The following TENM1 variants were observed in gnomAD, a reference collection of about 807,000 sequenced individuals.
The protein encoded by TENM1 is teneurin transmembrane protein 1, also known as teneurin-1.
A neutral mutation model predicts 174.8 loss-of-function variants in TENM1; 35 were observed. That is an observed-to-expected ratio of 0.20 (90% confidence interval 0.15 to 0.27). The LOEUF (loss-of-function observed/expected upper bound fraction) is 0.27. TENM1 is among the 10% of genes least tolerant of loss of function. The probability of loss-of-function intolerance (pLI) is 1.00; values close to 1 mark genes in which losing one functional copy is unlikely to be tolerated. For synonymous variants in TENM1, 781 were observed against 798.7 expected, an observed-to-expected ratio of 0.98 and a Z score of 0.37; for missense variants, 1,633 against 2,130.1, an observed-to-expected ratio of 0.77 and a Z score of 4.59.
At chrX:124,700,772 T>C (rs1268857749) in intron 5 of TENM1, among the ~76,000 whole-genome samples, 1 of 111,918 alleles carries the variant, frequency 8.9e-6, no homozygotes, top group Non-Finnish European at 1.9e-5. Flanking sequence ...ATGTCTTCCC[T>C]GTATAGTGAG....
At chrX:125,164,503 C>T in the TENM1 span, among the ~76,000 whole-genome samples, 1 of 111,895 alleles carries the variant, frequency 8.9e-6, no homozygotes, top group Non-Finnish European at 1.9e-5. Context: ...ACAGGCTACA[C>T]TAAATTTCTC....
intron 3 of TENM1, among the ~76,000 whole-genome samples, chrX:124,812,784 T>C (rs2055812596): frequency 9.0e-6 from 1 of 111,536 alleles, no homozygotes; most frequent in Admixed American, 9.5e-5. Context: ...TGGAAATACA[T>C]GATGTAAGAA....
intron 3 of TENM1, among the ~76,000 whole-genome samples, chrX:124,824,948 G>C (rs1344801741): frequency 9.0e-6 from 1 of 110,521 alleles, no homozygotes; most frequent in Admixed American, 9.7e-5. Flanking sequence ...CCTAAATCTT[G>C]CCTTACCAAA....
intron 3 of TENM1, among the ~76,000 whole-genome samples, chrX:124,804,168 C>A (rs1447725305): frequency 8.9e-6 from 1 of 111,919 alleles, no homozygotes; most frequent in Non-Finnish European, 1.9e-5. Context: ...TTAAAGAGAC[C>A]TGCCTGCCAG....
In TENM1 at chrX:124,504,679, G is replaced by C. The variant is rs2047406580; in HGVS notation, c.3302-976C>G. On this transcript the variant is annotated intron_variant, in intron 18 of 31. Coordinates refer to ENST00000422452, the Ensembl canonical transcript of TENM1. Reference sequence around the variant, plus strand: ...CCCTGTTGGTCTGTGGTCTGCCATAGCTTTCGAGTACCTGCCTCTGCCTGA... The same window carrying C: ...CCCTGTTGGTCTGTGGTCTGCCATACCTTTCGAGTACCTGCCTCTGCCTGA... 2.7e-5 allele frequency among the ~76,000 whole-genome samples: 3 copies of C among 111,559 alleles called. 1 individual carries two copies. The highest frequency in any genetic ancestry group is 3.8e-5 in the Non-Finnish European group (2 of 53,128).
At chrX:125,200,062 A>C in the TENM1 span, among the ~76,000 whole-genome samples, 1 of 111,815 alleles carries the variant, frequency 8.9e-6, no homozygotes, top group Non-Finnish European at 1.9e-5. Context: ...AGAATAATTA[A>C]AAGCTGTGTG....
intron 3 of TENM1, among the ~76,000 whole-genome samples, chrX:124,794,446 C>T (rs952527254): frequency 2.7e-5 from 3 of 111,581 alleles, no homozygotes; most frequent in African/African-American, 9.8e-5. Flanking sequence ...AGAATCATAC[C>T]GATTTCTCCT....
chrX:125,105,391 C>G, the TENM1 span, among the ~76,000 whole-genome samples: 1 of 111,561 alleles, frequency 9.0e-6, no homozygotes, highest in South Asian at 3.8e-4. Context: ...ATCATCCTGA[C>G]ATCTCGTGAA....
intron 20 of TENM1, among the ~76,000 whole-genome samples, chrX:124,494,252 A>G (rs933328952): frequency 3.6e-5 from 4 of 111,815 alleles, no homozygotes; most frequent in Non-Finnish European, 7.5e-5. Context: ...TCTAGTCACT[A>G]TATTTGATCA....
At chrX:125,027,595 ATTTCTT>A in the TENM1 span, among the ~76,000 whole-genome samples, 52 of 103,873 alleles carry the variant, frequency 5.0e-4, no homozygotes, top group Middle Eastern at 0.015. Context: ...ACTGACAAAG[ATTTCTT>A]TTTCTTTTTC....
chrX:124,530,381 G>A lies in TENM1; in HGVS notation c.2652-398C>T, dbSNP rs778013583. Among the ~76,000 whole-genome samples the A allele has an allele frequency of 2.7e-5, 3 of 109,829 alleles. No homozygotes were observed. In the East Asian group the frequency reaches 8.5e-4, roughly 31 times the overall value. On this transcript the variant is annotated intron_variant, in intron 15 of 31. Coordinates refer to ENST00000422452, the Ensembl canonical transcript of TENM1. Reference sequence around the variant, plus strand: ...GCCTTAAATTTCTTATTATTTCCTTGAGAGAGAGTCCTAGTTGTGGAATGA... The same window carrying A: ...GCCTTAAATTTCTTATTATTTCCTTAAGAGAGAGTCCTAGTTGTGGAATGA...
At chrX:124,563,508 T>C (rs375274853) in intron 13 of TENM1, among the ~76,000 whole-genome samples, 1 of 109,821 alleles carries the variant, frequency 9.1e-6, no homozygotes, top group African/African-American at 3.3e-5. Context: ...AAAGTAGTCC[T>C]TAAAACTGCT....
chrX:124,594,174 T>C (rs1186800552), intron 11 of TENM1, among the ~76,000 whole-genome samples: 1 of 111,746 alleles, frequency 8.9e-6, no homozygotes, highest in East Asian at 2.8e-4. Context: ...TGTGGAAAAG[T>C]GAGTCACAGA....
At chrX:124,886,548 T>TATAGAGAG (rs1187597592) in intron 3 of TENM1, among the ~76,000 whole-genome samples, 13 of 59,995 alleles carry the variant, frequency 2.2e-4, no homozygotes, top group African/African-American at 2.6e-4. Flanking sequence ...TATATATATA[T>TATAGAGAG]AGAGAGAGAG....
At chrX:125,150,233 T>A in the TENM1 span, among the ~76,000 whole-genome samples, 1 of 112,376 alleles carries the variant, frequency 8.9e-6, no homozygotes, top group African/African-American at 3.2e-5. Context: ...TACTGTTTGA[T>A]TTTTATTTTG....
At chrX:124,906,464 A>G (rs757094451) in intron 1 of TENM1, among the ~76,000 whole-genome samples, 52 of 111,829 alleles carry the variant, frequency 4.6e-4, no homozygotes, top group Non-Finnish European at 8.1e-4. Context: ...TCTTGCTATT[A>G]AGCTTTGTTA....
At chrX:124,802,567 C>T (rs2055484733) in intron 3 of TENM1, among the ~76,000 whole-genome samples, 1 of 110,966 alleles carries the variant, frequency 9.0e-6, no homozygotes, top group Non-Finnish European at 1.9e-5. Flanking sequence ...CATATGGCTC[C>T]CACATGGGCC....
intron 8 of TENM1, among the ~76,000 whole-genome samples, chrX:124,647,871 T>C (rs556888133): frequency 1.8e-5 from 2 of 111,306 alleles, no homozygotes; most frequent in Non-Finnish European, 1.9e-5. Flanking sequence ...TTTTCTTGTG[T>C]ACCATTTTTT....
In TENM1 at chrX:124,817,213, T is replaced by C. The variant is rs935408301; in HGVS notation, c.535+77083A>G. On this transcript the variant is annotated intron_variant, in intron 3 of 31. Coordinates refer to ENST00000422452, the Ensembl canonical transcript of TENM1. ...TTCATCCATGTCCCTGCAAAGGACA[T>C]GAACTCATCATTTTTTATGGCTGCA... is the stretch of plus-strand genomic sequence containing the variant. Among the ~76,000 whole-genome samples the C allele has an allele frequency of 2.7e-5, 3 of 111,513 alleles. No individual in the cohort carries two copies. In the Admixed American group the frequency reaches 2.9e-4, roughly 11 times the overall value.
Sources: gnomAD v4.1 joint callset for allele counts (sites outside exome capture counted in the v4.1 genomes callset) on GRCh38, gnomAD v4.1.1 for gene constraint, MANE v1.5 for transcripts, NCBI Gene and HGNC (gene_info 2026-07-23, HGNC 2026-07-21) for gene names.